The following SLC16A14 variants were observed in gnomAD, a reference collection of about 807,000 sequenced individuals.
The protein encoded by SLC16A14 is monocarboxylate transporter 14.
In SLC16A14, 14 loss-of-function variants were observed where a neutral mutation model predicts 35.8. The observed-to-expected ratio is 0.39, with a 90% CI of 0.26 to 0.61. The LOEUF (loss-of-function observed/expected upper bound fraction) is 0.61, where lower values mean the gene tolerates loss of function less well. Ranked by LOEUF, SLC16A14 falls within the 20% of genes least tolerant of loss-of-function variation. The probability of loss-of-function intolerance (pLI) is 0.51; values close to 1 mark genes in which losing one functional copy is unlikely to be tolerated. For missense variants in SLC16A14, 533 were observed against 655.0 expected, an observed-to-expected ratio of 0.81 and a Z score of 2.03; for synonymous variants, 248 against 258.9, an observed-to-expected ratio of 0.96 and a Z score of 0.40.
rs1158045486 is a variant in SLC16A14, at chr2:230,059,176, C to T, written c.177G>A (p.Val59=). 4.3e-6 allele frequency: 7 copies of T among 1,614,026 alleles called. No individual in the cohort carries two copies. Among genetic ancestry groups the T allele is most frequent in the South Asian group, 1.1e-5 (1 of 91,080 alleles). Residue 59 remains valine (V), a synonymous_variant, in exon 2 of 5, where the codon GTG becomes GTA. Transcript: ENST00000295190. ...TCTGGTGGAATTCTTCCAGCCATTC[C>T]ACGTTGAGGACACCCAGGGCCATCT... The part of the protein sequence containing the change: ...GSQMALGVLN[V]EWLEEFHQSR...
At chr2:230,059,403 A>C (rs2077733709) in intron 1 of SLC16A14, 37 bp from the exon 2 acceptor site, 3 of 1,466,746 alleles carry the variant, frequency 2.0e-6, no homozygotes, top group Non-Finnish European at 2.8e-6. Flanking sequence ...ATGGAACATC[A>C]AAAGGAAAAA....
intron 4 of SLC16A14, among the ~76,000 whole-genome samples, chr2:230,041,150 A>T (rs1475230039): frequency 2.0e-5 from 3 of 152,170 alleles, no homozygotes; most frequent in African/African-American, 7.2e-5. Context: ...TGTTTTTCGT[A>T]TTAATTAAAT....
chr2:230,055,774 C>T (rs546058199), intron 2 of SLC16A14, among the ~76,000 whole-genome samples: 301 of 152,262 alleles, frequency 2.0e-3, no homozygotes, highest in South Asian at 0.018. Flanking sequence ...TCCTGGCCTT[C>T]TTCTGAGTCT....
rs1017230330 is a variant in SLC16A14, at chr2:230,040,958, T to C, written c.1382-3427A>G. Among the ~76,000 whole-genome samples, 6 of 152,116 alleles carry C rather than the reference T, an allele frequency of 3.9e-5. No homozygotes were observed. The East Asian group carries it at 9.6e-4, about 24-fold the overall frequency. On this transcript the variant is annotated intron_variant, in intron 4 of 4. Coordinates refer to ENST00000295190, the MANE Select transcript of SLC16A14 (RefSeq NM_152527.5). ...ACAAGCTGCCCTCCTCATGCATCCT[T>C]CACCACCCCTCCTGCAGGTTTGACC... is the stretch of plus-strand genomic sequence containing the variant.
At chr2:230,056,341 G>C (rs1289834453) in intron 2 of SLC16A14, among the ~76,000 whole-genome samples, 1 of 145,096 alleles carries the variant, frequency 6.9e-6, no homozygotes, top group Non-Finnish European at 1.5e-5. Context: ...TGCAACCTCT[G>C]CCTCCTGGGT....
At chr2:230,067,571 T>TCTCTCTCTCTCTCTCTCTCA (rs1269765776) in intron 1 of SLC16A14, among the ~76,000 whole-genome samples, 7 of 143,712 alleles carry the variant, frequency 4.9e-5, no homozygotes, top group African/African-American at 1.9e-4. Context: ...TCTCTCTCTC[T>TCTCTCTCTCTCTCTCTCTCA]CACACACACA....
At chr2:230,057,900 G>A (rs2077718652) in intron 2 of SLC16A14, among the ~76,000 whole-genome samples, 1 of 151,882 alleles carries the variant, frequency 6.6e-6, no homozygotes, top group Non-Finnish European at 1.5e-5. Context: ...GTGGTAGTGG[G>A]TGCCTGTAGT....
chr2:230,057,125 T>G (rs1386787424), intron 2 of SLC16A14, among the ~76,000 whole-genome samples: 1 of 152,138 alleles, frequency 6.6e-6, no homozygotes, highest in Non-Finnish European at 1.5e-5. Flanking sequence ...ATATATGGCT[T>G]TCACCTTTAA....
At chr2:230,045,682 C>A in intron 4 of SLC16A14, 63 bp downstream of exon 4, 1 of 1,575,774 alleles carries the variant, frequency 6.3e-7, no homozygotes, top group Non-Finnish European at 8.7e-7. Context: ...TTATCTGGGA[C>A]TTTATAACAT....
chr2:230,066,703 C>A (rs1577404523), intron 1 of SLC16A14: 1 of 398,396 alleles, frequency 2.5e-6, no homozygotes, highest in East Asian at 8.5e-5. Context: ...GGTGAGATCT[C>A]GGCTCACTGC....
At chr2:230,066,133 C>T (rs888158351) in intron 1 of SLC16A14, among the ~76,000 whole-genome samples, 1 of 152,090 alleles carries the variant, frequency 6.6e-6, no homozygotes. Context: ...GGTGAAATCC[C>T]TTCTCTGCTA....
At chr2:230,065,842 T>C (rs1281951493) in intron 1 of SLC16A14, among the ~76,000 whole-genome samples, 1 of 152,118 alleles carries the variant, frequency 6.6e-6, no homozygotes, top group Admixed American at 6.6e-5. Flanking sequence ...ACTCCACACC[T>C]GGAGAGGGAG....
At chr2:230,040,268 G>C (rs1033599038) in intron 4 of SLC16A14, among the ~76,000 whole-genome samples, 24 of 151,718 alleles carry the variant, frequency 1.6e-4, no homozygotes, top group African/African-American at 5.1e-4. Context: ...ACCCAGGCTG[G>C]AGTGCAGTGG....
chr2:230,053,329 C>A (rs1003776414), intron 2 of SLC16A14, among the ~76,000 whole-genome samples: 2 of 152,186 alleles, frequency 1.3e-5, no homozygotes, highest in African/African-American at 4.8e-5. Flanking sequence ...AGTCCCCTCA[C>A]AATCTAAGGA....
chr2:230,035,096 C>T lies in SLC16A14; in HGVS notation c.*2284G>A, dbSNP rs1388766835. 3 of 152,194 alleles carry T rather than the reference C, an allele frequency of 2.0e-5. No homozygotes were observed. Among genetic ancestry groups the T allele is most frequent in the African/African-American group, 7.2e-5 (3 of 41,456 alleles). The allele number at this position is 152,194 out of a possible 1,614,324, so 9.4% of individuals were successfully genotyped here. On this transcript the variant is annotated 3_prime_UTR_variant, in exon 5 of 5. Coordinates refer to ENST00000295190, the MANE Select transcript of SLC16A14 (RefSeq NM_152527.5). ...TACAATTAACCCTTTATAATATCTT[C>T]AAACAACGGCAAATAACATAAACAG...
rs1225276788 is a variant in SLC16A14 at position 230,045,866 on chromosome 2, AC to A, written c.1259del (p.Gly420ValfsTer5). On this transcript the variant is annotated frameshift_variant, in exon 4 of 5. Transcript: ENST00000295190. LOFTEE classifies it high-confidence loss of function. The stretch of plus-strand genomic sequence containing the variant: ...TCACTACGGGCATTAGGGAGAAATA[AC>A]CACTGGAAAACCCTATCAGCGCACA... Reference protein sequence around the residue: ...VICALIGFSSGYFSLMPVVTE... With the variant: ...VICALIGFSSXYFSLMPVVTE... 6.2e-6 allele frequency: 10 copies of A among 1,613,834 alleles called. No individual in the cohort carries two copies. Among genetic ancestry groups the A allele is most frequent in the Admixed American group, 5.0e-5 (3 of 59,970 alleles).
chr2:230,067,710 G>GA (rs2077813273), intron 1 of SLC16A14, among the ~76,000 whole-genome samples: 1 of 152,200 alleles, frequency 6.6e-6, no homozygotes, highest in Admixed American at 6.5e-5. Context: ...TCCTCAGAAA[G>GA]AAAATGGCTT....
In SLC16A14 at chr2:230,046,468, C is replaced by T; in HGVS notation, c.658G>A (p.Asp220Asn). The T allele has an allele frequency of 1.9e-6, 3 of 1,614,116 alleles. No individual in the cohort carries two copies. Among genetic ancestry groups the T allele is most frequent in the Non-Finnish European group, 1.7e-6 (2 of 1,180,034 alleles). Residue 220 changes from aspartate to asparagine, a missense_variant, in exon 4 of 5, where the codon GAC (aspartate) becomes AAC (asparagine). Physicochemically the swap from Asp to Asn is conservative, Grantham distance 23 (BLOSUM62 1). Transcript: ENST00000295190. The surrounding 1 kb of genome is among the most constrained non-coding windows in gnomAD (Gnocchi z 5.0). ...CCACGCACATCTTTCTCTCCTGGGT[C>T]GTTTGGGTTTTTACCAGGAGAGAGG... ...RPLSPGKNPN[D>N]PGEKDVRGLP...
At chr2:230,056,770 T>A (rs2077708366) in intron 2 of SLC16A14, among the ~76,000 whole-genome samples, 1 of 151,050 alleles carries the variant, frequency 6.6e-6, no homozygotes, top group Non-Finnish European at 1.5e-5. Flanking sequence ...CTCAGGAAGC[T>A]GAGGTGGGAG....
Sources: gnomAD v4.1 joint callset for allele counts (sites outside exome capture counted in the v4.1 genomes callset) on GRCh38, gnomAD v4.1.1 for gene constraint, Gnocchi (gnomAD v3.1) non-coding constraint, MANE v1.5 for transcripts, NCBI Gene and HGNC (gene_info 2026-07-23, HGNC 2026-07-21) for gene names.